CNOT6L: variants seen among roughly 807,000 people sequenced by gnomAD.
CNOT6L encodes the protein CCR4-NOT transcription complex subunit 6 like.
In CNOT6L, 7 loss-of-function variants were observed where a neutral mutation model predicts 64.0. That is an observed-to-expected ratio of 0.11 (90% CI 0.06 to 0.21). The LOEUF (loss-of-function observed/expected upper bound fraction) is 0.21. CNOT6L is among the 10% of genes least tolerant of loss of function. The pLI, the probability that CNOT6L is intolerant of heterozygous loss-of-function variation, is 1.00. For missense variants in CNOT6L, 245 were observed against 669.0 expected, an observed-to-expected ratio of 0.37 and a Z score of 6.99; for synonymous variants, 193 against 243.4, an observed-to-expected ratio of 0.79 and a Z score of 1.93.
chr4:77,741,615 T>C (rs1011380801), intron 8 of CNOT6L, among the ~76,000 whole-genome samples: 1 of 152,210 alleles, frequency 6.6e-6, no homozygotes, highest in Non-Finnish European at 1.5e-5. Context: ...TGCCTAGTTT[T>C]TCCTACTGGA....
intron 1 of CNOT6L, among the ~76,000 whole-genome samples, chr4:77,785,518 T>C (rs574450517): frequency 2.0e-5 from 3 of 151,568 alleles, no homozygotes; most frequent in Admixed American, 6.6e-5. Flanking sequence ...AACACGTATC[T>C]GAAAAAAAAA....
chr4:77,796,827 T>C (rs2110127856), intron 1 of CNOT6L, among the ~76,000 whole-genome samples: 1 of 151,902 alleles, frequency 6.6e-6, no homozygotes, highest in East Asian at 1.9e-4. Flanking sequence ...ATGCCTGTAA[T>C]CCCACCACTT....
At chr4:77,744,572 T>G in intron 7 of CNOT6L, 146 bp downstream of exon 7, 1 of 656,544 alleles carries the variant, frequency 1.5e-6, no homozygotes. Context: ...AATGCTTATT[T>G]AAATTGTCCA....
chr4:77,761,549 C>T (rs1466854097), intron 4 of CNOT6L, among the ~76,000 whole-genome samples: 1 of 152,196 alleles, frequency 6.6e-6, no homozygotes, highest in Admixed American at 6.5e-5. Context: ...ATAGCAACAA[C>T]TTCCAGAGAG....
intron 1 of CNOT6L, among the ~76,000 whole-genome samples, chr4:77,809,954 A>G (rs1434557402): frequency 6.6e-6 from 1 of 152,170 alleles, no homozygotes; most frequent in Non-Finnish European, 1.5e-5. Context: ...CCAGGCATCT[A>G]TTCAGTACAA....
chr4:77,803,906 A>G (rs1042176349), intron 1 of CNOT6L, among the ~76,000 whole-genome samples: 1 of 152,100 alleles, frequency 6.6e-6, no homozygotes, highest in Non-Finnish European at 1.5e-5. Context: ...CCGTCTCAAA[A>G]AAAAAAGAAA....
At chr4:77,795,443 T>G (rs1256197610) in intron 1 of CNOT6L, among the ~76,000 whole-genome samples, 1 of 152,212 alleles carries the variant, frequency 6.6e-6, no homozygotes, top group Non-Finnish European at 1.5e-5. Context: ...TGTCCAGTTG[T>G]GGTTCCTAGT....
intron 1 of CNOT6L, among the ~76,000 whole-genome samples, chr4:77,783,090 C>A (rs982795756): frequency 3.3e-5 from 4 of 121,606 alleles, no homozygotes; most frequent in Admixed American, 2.1e-4. Flanking sequence ...ATAATGCAAA[C>A]ATTTTTTTAA....
At chr4:77,815,067 G>A (rs1733406640) in intron 1 of CNOT6L, among the ~76,000 whole-genome samples, 1 of 152,140 alleles carries the variant, frequency 6.6e-6, no homozygotes, top group Non-Finnish European at 1.5e-5. Flanking sequence ...CAACAAACAA[G>A]AGAATATGGT....
intron 1 of CNOT6L, among the ~76,000 whole-genome samples, chr4:77,798,469 A>C (rs1164192709): frequency 6.6e-6 from 1 of 152,218 alleles, no homozygotes; most frequent in South Asian, 2.1e-4. Flanking sequence ...TTTAATAGAC[A>C]CTTCACCAAA....
At position 77,810,521 on chromosome 4, in the gene CNOT6L, T is replaced by C. The variant is rs188176875; in HGVS notation, c.5+8783A>G. On this transcript the variant is annotated intron_variant, in intron 1 of 11. Transcript: ENST00000504123. ...TTTGCTTACTTTTTAAATTTTTTAA[T>C]TGGCACATAATTGTATATATATATG... Among the ~76,000 whole-genome samples the C allele has an allele frequency of 3.9e-5, 6 of 152,316 alleles. No individual in the cohort carries two copies. In the South Asian group the frequency reaches 6.2e-4, roughly 16 times the overall value.
chr4:77,815,750 G>GTCTTA (rs1733496565), intron 1 of CNOT6L, among the ~76,000 whole-genome samples: 1 of 152,076 alleles, frequency 6.6e-6, no homozygotes, highest in South Asian at 2.1e-4. Flanking sequence ...CAGGCAATAG[G>GTCTTA]GAGGACTCCA....
At chr4:77,769,566 A>G (rs1727302674) in intron 4 of CNOT6L, among the ~76,000 whole-genome samples, 1 of 152,158 alleles carries the variant, frequency 6.6e-6, no homozygotes, top group African/African-American at 2.4e-5. Flanking sequence ...GATTTTTAGA[A>G]GCTCACATAC....
At chr4:77,736,799 C>A (rs1196455551) in intron 8 of CNOT6L, among the ~76,000 whole-genome samples, 2 of 151,792 alleles carry the variant, frequency 1.3e-5, no homozygotes, top group East Asian at 3.9e-4. Flanking sequence ...TCTAAGAATT[C>A]TTCTGTATAT....
chr4:77,747,986 T>C (rs1724398469), intron 6 of CNOT6L, among the ~76,000 whole-genome samples: 1 of 152,156 alleles, frequency 6.6e-6, no homozygotes, highest in African/African-American at 2.4e-5. Context: ...AAGATGCCAT[T>C]TGGAAAGCTG....
At chr4:77,759,805 C>G (rs1725977064) in intron 4 of CNOT6L, among the ~76,000 whole-genome samples, 1 of 152,120 alleles carries the variant, frequency 6.6e-6, no homozygotes, top group South Asian at 2.1e-4. Context: ...ACCAACTTGG[C>G]CTATTATTTA....
At chr4:77,765,227 G>A (rs1326083214) in intron 4 of CNOT6L, among the ~76,000 whole-genome samples, 2 of 152,148 alleles carry the variant, frequency 1.3e-5, no homozygotes, top group South Asian at 4.1e-4. Context: ...CGAAAAAGGG[G>A]AGGCATGAAA....
In CNOT6L at chr4:77,714,306, G is replaced by C. The variant is rs1361975283; in HGVS notation, c.*6125C>G. ...GATAAATTGAGTGGAAAAGTAGATT[G>C]TCCCATGGACAATTAGTTGGCACTT... On this transcript the variant is annotated 3_prime_UTR_variant, in exon 12 of 12. Coordinates refer to ENST00000504123, the MANE Select transcript of CNOT6L (RefSeq NM_144571.3). 1 of 152,090 alleles carries C rather than the reference G, an allele frequency of 6.6e-6. No individual in the cohort carries two copies. The highest frequency in any genetic ancestry group is 1.5e-5 in the Non-Finnish European group (1 of 67,926). The allele number at this position is 152,090 out of a possible 1,614,324, so 9.4% of individuals were successfully genotyped here.
intron 4 of CNOT6L, among the ~76,000 whole-genome samples, chr4:77,770,829 AT>A (rs1464985842): frequency 6.6e-6 from 1 of 152,236 alleles, no homozygotes; most frequent in Non-Finnish European, 1.5e-5. Flanking sequence ...GAAAACTACC[AT>A]TTTAACTAGA....
Sources: gnomAD v4.1 joint callset for allele counts (sites outside exome capture counted in the v4.1 genomes callset) on GRCh38, gnomAD v4.1.1 for gene constraint, MANE v1.5 for transcripts, NCBI Gene and HGNC (gene_info 2026-07-23, HGNC 2026-07-21) for gene names.